MAP4K3: variants seen among roughly 807,000 people sequenced by gnomAD.
The protein encoded by MAP4K3 is mitogen-activated protein kinase kinase kinase kinase 3.
Under a neutral mutation model 143.5 loss-of-function variants are expected in MAP4K3, and 94 were observed. That is an observed-to-expected ratio of 0.65 (90% confidence interval 0.55 to 0.78). MAP4K3 has a LOEUF of 0.78. MAP4K3 is among the 30% of genes least tolerant of loss of function. MAP4K3 has a pLI of 0.00. For missense variants in MAP4K3, 1,077 were observed against 1,068.1 expected, an observed-to-expected ratio of 1.01 and a Z score of -0.12; for synonymous variants, 416 against 347.2, an observed-to-expected ratio of 1.20 and a Z score of -2.20.
intron 1 of MAP4K3, among the ~76,000 whole-genome samples, chr2:39,408,664 G>A (rs1667158755): frequency 6.6e-6 from 1 of 151,758 alleles, no homozygotes; most frequent in Non-Finnish European, 1.5e-5. Context: ...GGTGGTGGGG[G>A]GTTGGGTGGG....
chr2:39,351,224 G>A (rs1373699944), intron 3 of MAP4K3, among the ~76,000 whole-genome samples: 1 of 152,174 alleles, frequency 6.6e-6, no homozygotes, highest in Non-Finnish European at 1.5e-5. Flanking sequence ...ACCAGTAGCT[G>A]TCTCCTGAAT....
intron 15 of MAP4K3, among the ~76,000 whole-genome samples, chr2:39,300,336 G>A (rs1369233904): frequency 6.6e-6 from 1 of 152,142 alleles, no homozygotes; most frequent in East Asian, 1.9e-4. Context: ...TTGTACTGAA[G>A]GACTTTTAAT....
At chr2:39,390,813 G>A (rs1378727460) in intron 1 of MAP4K3, among the ~76,000 whole-genome samples, 9 of 151,814 alleles carry the variant, frequency 5.9e-5, no homozygotes, top group African/African-American at 1.9e-4. Flanking sequence ...CAACAGGATA[G>A]TTCAGGAAAA....
chr2:39,303,730 G>A (rs767804682), intron 15 of MAP4K3, among the ~76,000 whole-genome samples: 13 of 152,078 alleles, frequency 8.5e-5, no homozygotes, highest in African/African-American at 2.7e-4. Context: ...ATAGAGATGC[G>A]GTTGCCACAT....
In MAP4K3 at chr2:39,409,670, T is replaced by C. The variant is rs1558340574; in HGVS notation, c.96+27222A>G. 1.3e-5 allele frequency among the ~76,000 whole-genome samples: 2 copies of C among 152,160 alleles called. 1 individual carries two copies. Among genetic ancestry groups the C allele is most frequent in the South Asian group, 4.1e-4 (2 of 4,832 alleles). On this transcript the variant is annotated intron_variant, in intron 1 of 33. Coordinates refer to ENST00000263881, the MANE Select transcript of MAP4K3 (RefSeq NM_003618.4). ...GAAATCGGAAGAGAAAAATAAAGCA[T>C]AGTAGATATTGAGATATACTCAGAG... is the stretch of plus-strand genomic sequence containing the variant.
At chr2:39,349,049 C>T (rs1423971556) in intron 3 of MAP4K3, among the ~76,000 whole-genome samples, 3 of 152,182 alleles carry the variant, frequency 2.0e-5, no homozygotes, top group Admixed American at 2.0e-4. Context: ...GAGTCTTCCT[C>T]CCTGGGAGAG....
chr2:39,300,572 C>T (rs1356817757), intron 15 of MAP4K3, among the ~76,000 whole-genome samples: 2 of 152,166 alleles, frequency 1.3e-5, no homozygotes, highest in Non-Finnish European at 2.9e-5. Context: ...TAAAGAGCCA[C>T]TGTAATCTAG....
chr2:39,410,572 CA>C (rs1183476829), intron 1 of MAP4K3, among the ~76,000 whole-genome samples: 1 of 152,114 alleles, frequency 6.6e-6, no homozygotes, highest in East Asian at 1.9e-4. Context: ...AACACATACA[CA>C]AGTGTGTGCA....
At chr2:39,400,120 C>A (rs1666914616) in intron 1 of MAP4K3, among the ~76,000 whole-genome samples, 1 of 152,162 alleles carries the variant, frequency 6.6e-6, no homozygotes, top group East Asian at 1.9e-4. Flanking sequence ...TGATACCACC[C>A]AACATCTCGC....
At chr2:39,283,614 T>G (rs531295478) in intron 21 of MAP4K3, 1 of 152,310 alleles carries the variant, frequency 6.6e-6, no homozygotes, top group East Asian at 1.9e-4. Flanking sequence ...CTAAGTGAAG[T>G]TCCAAATTTT....
At chr2:39,380,971 A>G (rs895402219) in intron 1 of MAP4K3, among the ~76,000 whole-genome samples, 9 of 152,172 alleles carry the variant, frequency 5.9e-5, no homozygotes, top group African/African-American at 2.2e-4. Context: ...CAGTCACTCC[A>G]TATTCCTCTG....
At chr2:39,341,218 G>C (rs1313864579) in intron 4 of MAP4K3, among the ~76,000 whole-genome samples, 1 of 152,102 alleles carries the variant, frequency 6.6e-6, no homozygotes, top group Non-Finnish European at 1.5e-5. Flanking sequence ...AATAACCATA[G>C]AAGCTAAAAG....
chr2:39,297,635 G>A (rs1456764604), intron 16 of MAP4K3, among the ~76,000 whole-genome samples: 1 of 152,168 alleles, frequency 6.6e-6, no homozygotes, highest in South Asian at 2.1e-4. Flanking sequence ...ATGGAAATCT[G>A]TCTGCCTGAT....
At position 39,432,870 on chromosome 2, in the gene MAP4K3, G is replaced by A. The variant is rs553173479; in HGVS notation, c.96+4022C>T. Among the ~76,000 whole-genome samples, 23 of 152,148 alleles carry A rather than the reference G, an allele frequency of 1.5e-4. No homozygotes were observed. The South Asian group carries it at 3.1e-3, about 21-fold the overall frequency. On this transcript the variant is annotated intron_variant, in intron 1 of 33. Coordinates refer to ENST00000263881, the MANE Select transcript of MAP4K3 (RefSeq NM_003618.4). ...ATCCTACCTGGAAGCTTAACAACACGGCAGCCCGTGCTTCAGAGGGAATGG... is the reference window on the plus strand; with the variant it reads ...ATCCTACCTGGAAGCTTAACAACACAGCAGCCCGTGCTTCAGAGGGAATGG...
chr2:39,272,900 C>A (rs913714505), intron 24 of MAP4K3, among the ~76,000 whole-genome samples: 1 of 151,982 alleles, frequency 6.6e-6, no homozygotes, highest in Non-Finnish European at 1.5e-5. Flanking sequence ...CCTCTCTACT[C>A]CTCCCAAAAT....
At chr2:39,403,833 T>A (rs558578497) in intron 1 of MAP4K3, among the ~76,000 whole-genome samples, 2 of 150,608 alleles carry the variant, frequency 1.3e-5, no homozygotes, top group South Asian at 4.2e-4. Context: ...TGTCTTCTGC[T>A]TGAGGAGAGA....
intron 1 of MAP4K3, among the ~76,000 whole-genome samples, chr2:39,389,385 C>A (rs1666592975): frequency 3.3e-5 from 5 of 152,190 alleles, no homozygotes; most frequent in Middle Eastern, 3.4e-3. Context: ...TATTTCAAGA[C>A]ACCATGGCTG....
chr2:39,258,765 C>G (rs573550542), intron 29 of MAP4K3, among the ~76,000 whole-genome samples, 178 bp from the exon 30 acceptor site: 1 of 152,160 alleles, frequency 6.6e-6, no homozygotes, highest in African/African-American at 2.4e-5. Context: ...TGCTAAACAA[C>G]GTAAGTGCTC....
chr2:39,407,455 A>G (rs2373536), intron 1 of MAP4K3, among the ~76,000 whole-genome samples: 145,766 of 152,304 alleles, frequency 0.96, 70,111 homozygotes, highest in East Asian at 1. Flanking sequence ...AACAGAAGAA[A>G]CAGCTACTGC....
Sources: allele counts gnomAD v4.1 joint callset (sites outside exome capture counted in the v4.1 genomes callset), GRCh38; gene constraint gnomAD v4.1.1; transcripts MANE v1.5; gene names NCBI Gene and HGNC (gene_info 2026-07-23, HGNC 2026-07-21).